The following RANBP17 variants were observed in gnomAD, a reference collection of about 807,000 sequenced individuals.
The protein encoded by RANBP17 is RAN binding protein 17.
A neutral mutation model predicts 141.2 loss-of-function variants in RANBP17; 158 were observed. That is an observed-to-expected ratio of 1.12 (90% CI 0.98 to 1.28). RANBP17 has a LOEUF of 1.28. Ranked by LOEUF, RANBP17 falls within the 50% of genes most tolerant of loss-of-function variation. The pLI is 0.00. For synonymous variants in RANBP17, 430 were observed against 450.0 expected (o/e 0.96, Z 0.56); for missense variants, 1,438 against 1,290.7 (o/e 1.11, Z -1.75).
chr5:171,011,660 G>A (rs1399480289), intron 14 of RANBP17, among the ~76,000 whole-genome samples: 1 of 151,638 alleles, frequency 6.6e-6, no homozygotes, highest in South Asian at 2.1e-4. Flanking sequence ...TTGAAAATAA[G>A]TTACATAACA....
chr5:171,072,041 A>G (rs777107035), intron 14 of RANBP17, among the ~76,000 whole-genome samples: 3 of 152,164 alleles, frequency 2.0e-5, no homozygotes, highest in Non-Finnish European at 4.4e-5. Context: ...AGAACTTGCC[A>G]GTAAGTGTGA....
In RANBP17 at chr5:171,199,730, T is replaced by C. The variant is rs562723609; in HGVS notation, c.2099T>C (p.Val700Ala). 1.2e-6 allele frequency: 2 copies of C among 1,611,162 alleles called. No individual in the cohort carries two copies. Among genetic ancestry groups the C allele is most frequent in the African/African-American group, 2.7e-5 (2 of 75,002 alleles). Reference sequence around the variant, plus strand: ...CCTCTTACAGTTGCTTTTGAAACAGTATTACAAATATTCAACAACAACTTT... The same window carrying C: ...CCTCTTACAGTTGCTTTTGAAACAGCATTACAAATATTCAACAACAACTTT... ...MLPLTVAFET[V>A]LQIFNNNFKQ... Residue 700 changes from valine (V) to alanine (A), a missense_variant, in exon 19 of 28, where the codon GTA becomes GCA. Coordinates refer to ENST00000523189, the MANE Select transcript of RANBP17 (RefSeq NM_022897.5).
At chr5:170,976,982 A>G (rs762356367) in intron 14 of RANBP17, among the ~76,000 whole-genome samples, 4 of 152,250 alleles carry the variant, frequency 2.6e-5, no homozygotes, top group South Asian at 2.1e-4. Flanking sequence ...CAGCTAAAGA[A>G]AAAGATACAT....
chr5:170,871,739 C>G (rs1390164833), intron 1 of RANBP17, among the ~76,000 whole-genome samples: 1 of 152,162 alleles, frequency 6.6e-6, no homozygotes, highest in Non-Finnish European at 1.5e-5. Flanking sequence ...CTGCATATAG[C>G]TAACCAGTTT....
chr5:171,039,940 A>G (rs1418001000), intron 14 of RANBP17, among the ~76,000 whole-genome samples: 2 of 152,150 alleles, frequency 1.3e-5, no homozygotes, highest in Non-Finnish European at 2.9e-5. Context: ...ATTCTACCAC[A>G]TGTACATAGA....
chr5:171,252,115 C>G (rs1250586630), intron 24 of RANBP17: 1 of 1,594,846 alleles, frequency 6.3e-7, no homozygotes, highest in African/African-American at 1.3e-5. Flanking sequence ...GGAGTAATAC[C>G]TCCCAAGAAG....
intron 3 of RANBP17, among the ~76,000 whole-genome samples, chr5:170,890,074 C>A (rs989145680): frequency 6.6e-6 from 1 of 152,046 alleles, no homozygotes; most frequent in Admixed American, 6.6e-5. Context: ...TTGTTGGTAT[C>A]TAGCTTTAAA....
At chr5:171,025,414 G>A (rs1781167297) in intron 14 of RANBP17, among the ~76,000 whole-genome samples, 1 of 152,016 alleles carries the variant, frequency 6.6e-6, no homozygotes, top group Non-Finnish European at 1.5e-5. Context: ...TTCTCCAAAT[G>A]TTTTATTAGG....
At chr5:170,988,636 G>A (rs547968844) in intron 14 of RANBP17, among the ~76,000 whole-genome samples, 1 of 151,312 alleles carries the variant, frequency 6.6e-6, no homozygotes, top group South Asian at 2.1e-4. Context: ...AGAAGGCTAG[G>A]GCCACAAATA....
At chr5:171,030,257 AC>A (rs1370297409) in intron 14 of RANBP17, among the ~76,000 whole-genome samples, 1 of 152,088 alleles carries the variant, frequency 6.6e-6, no homozygotes, top group Admixed American at 6.6e-5. Context: ...GAGCAAGAGA[AC>A]ATTTCTTTGG....
chr5:171,185,026 G>A (rs776164102), intron 18 of RANBP17, among the ~76,000 whole-genome samples: 1 of 152,116 alleles, frequency 6.6e-6, no homozygotes, highest in Non-Finnish European at 1.5e-5. Context: ...GCCAGGCATG[G>A]TGGCAAATAC....
chr5:170,879,523 GC>G (rs1404073892), intron 2 of RANBP17, among the ~76,000 whole-genome samples: 2 of 152,128 alleles, frequency 1.3e-5, no homozygotes, highest in African/African-American at 4.8e-5. Flanking sequence ...GACATTACTT[GC>G]ATTTCAAATG....
chr5:170,981,307 G>C (rs1248271733), intron 14 of RANBP17, among the ~76,000 whole-genome samples: 1 of 152,190 alleles, frequency 6.6e-6, no homozygotes, highest in African/African-American at 2.4e-5. Flanking sequence ...GGACTGTTGG[G>C]AAGGCATGAT....
intron 25 of RANBP17, among the ~76,000 whole-genome samples, chr5:171,276,937 A>G (rs928449010): frequency 3.8e-4 from 58 of 151,318 alleles, no homozygotes; most frequent in African/African-American, 1.4e-3. Context: ...AAAAAAAAAA[A>G]AAAAAAACCT....
At chr5:170,955,818 G>GTA (rs367914750) in intron 13 of RANBP17, among the ~76,000 whole-genome samples, 7,679 of 141,430 alleles carry the variant, frequency 0.054, 399 homozygotes, top group African/African-American at 0.14. Context: ...TAAAATTCCT[G>GTA]TATATATATA....
At chr5:171,280,400 C>T (rs1470988899) in intron 25 of RANBP17, among the ~76,000 whole-genome samples, 1 of 152,168 alleles carries the variant, frequency 6.6e-6, no homozygotes, top group African/African-American at 2.4e-5. Context: ...ACCTCAGCCT[C>T]GCAAGTAGCT....
chr5:171,267,534 G>A (rs371017549), intron 25 of RANBP17, among the ~76,000 whole-genome samples: 5 of 152,102 alleles, frequency 3.3e-5, no homozygotes, highest in South Asian at 4.1e-4. Flanking sequence ...TTGGCCGGGC[G>A]CAGTGACTCA....
intron 18 of RANBP17, among the ~76,000 whole-genome samples, chr5:171,185,898 ACTAT>A (rs1761202865): frequency 6.6e-6 from 1 of 152,242 alleles, no homozygotes; most frequent in Non-Finnish European, 1.5e-5. Flanking sequence ...CAGAGGAATC[ACTAT>A]CTGTGGCAGC....
chr5:171,196,548 C>T (rs1039924861), intron 18 of RANBP17, among the ~76,000 whole-genome samples: 5 of 152,084 alleles, frequency 3.3e-5, no homozygotes, highest in African/African-American at 1.2e-4. Context: ...TTTTGATCAC[C>T]GTAATCACCT....
Sources: gnomAD v4.1 joint callset for allele counts (sites outside exome capture counted in the v4.1 genomes callset) on GRCh38, gnomAD v4.1.1 for gene constraint, MANE v1.5 for transcripts, NCBI Gene and HGNC (gene_info 2026-07-23, HGNC 2026-07-21) for gene names.